EPHB2: variants seen among roughly 807,000 people sequenced by gnomAD.
The protein encoded by EPHB2 is ephrin type-B receptor 2.
Under a neutral mutation model 96.4 loss-of-function variants are expected in EPHB2, and 18 were observed. The observed-to-expected ratio is 0.19, with a 90% CI of 0.13 to 0.28. The LOEUF (loss-of-function observed/expected upper bound fraction) is 0.28, where lower values mean the gene tolerates loss of function less well. Ranked by LOEUF, EPHB2 falls within the 10% of genes least tolerant of loss-of-function variation. The pLI, the probability that EPHB2 is intolerant of heterozygous loss-of-function variation, is 1.00. For missense variants in EPHB2, 989 were observed against 1,355.4 expected (o/e 0.73, Z 4.25); for synonymous variants, 506 against 534.1 (o/e 0.95, Z 0.72).
rs770827827 is a variant in EPHB2, at chr1:22,909,082, T to A, written c.2413T>A (p.Ser805Thr). 3.7e-6 allele frequency: 6 copies of A among 1,614,054 alleles called. No individual in the cohort carries two copies. Among genetic ancestry groups the A allele is most frequent in the Non-Finnish European group, 5.1e-6 (6 of 1,180,042 alleles). Residue 805 changes from serine to threonine, a missense_variant, in exon 13 of 16, where the codon TCG (serine) becomes ACG (threonine). Ser to Thr is a moderately conservative substitution (Grantham distance 58, BLOSUM62 1). Coordinates refer to ENST00000374630, the MANE Select transcript of EPHB2 (RefSeq NM_017449.5). Reference sequence around the variant, plus strand: ...AGCCATCCAGTACCGGAAGTTCACCTCGGCCAGTGATGTGTGGAGCTACGG... The same window carrying A: ...AGCCATCCAGTACCGGAAGTTCACCACGGCCAGTGATGTGTGGAGCTACGG... ...PEAIQYRKFT[S>T]ASDVWSYGIV...
At chr1:22,742,711 C>T (rs1449824023) in intron 1 of EPHB2, among the ~76,000 whole-genome samples, 1 of 151,004 alleles carries the variant, frequency 6.6e-6, no homozygotes, top group Non-Finnish European at 1.5e-5. Flanking sequence ...CTAAGTTGCC[C>T]AGGCTGGTCT....
At chr1:22,756,001 G>A (rs555781736) in intron 1 of EPHB2, among the ~76,000 whole-genome samples, 1 of 152,272 alleles carries the variant, frequency 6.6e-6, no homozygotes, top group East Asian at 1.9e-4. Flanking sequence ...TTGTGGGGAT[G>A]CAGCCACATT....
At chr1:22,879,972 G>A (rs943728040) in intron 5 of EPHB2, among the ~76,000 whole-genome samples, 6 of 152,172 alleles carry the variant, frequency 3.9e-5, no homozygotes, top group South Asian at 4.1e-4. Flanking sequence ...GGAGTGTCTC[G>A]GGACAATTTT....
At position 22,833,702 on chromosome 1, in the gene EPHB2, G is replaced by T. The variant is rs147666419; in HGVS notation, c.812-29335G>T. Among the ~76,000 whole-genome samples the T allele has an allele frequency of 5.4e-3, 819 of 152,208 alleles. 10 individuals are homozygous for T. Among genetic ancestry groups the T allele is most frequent in the African/African-American group, 0.018 (764 of 41,514 alleles). On this transcript the variant is annotated intron_variant, in intron 3 of 15. Coordinates refer to ENST00000374630, the MANE Select transcript of EPHB2 (RefSeq NM_017449.5). ...AGAAAGGAGAAAAAAGTTTTAAATG[G>T]ATTATAAATAAAACATACAAGAGTA...
chr1:22,738,674 T>G (rs6426762), intron 1 of EPHB2, among the ~76,000 whole-genome samples: 533 of 152,344 alleles, frequency 3.5e-3, no homozygotes, highest in African/African-American at 0.012. Flanking sequence ...TTGGAGCCCA[T>G]GTGCTGTTAT....
chr1:22,729,901 T>C (rs1037297549), intron 1 of EPHB2, among the ~76,000 whole-genome samples: 2 of 152,200 alleles, frequency 1.3e-5, no homozygotes, highest in African/African-American at 4.8e-5. Context: ...TATATATTGA[T>C]TGGAAGAATG....
chr1:22,809,482 A>G (rs1644973874), intron 3 of EPHB2, among the ~76,000 whole-genome samples: 3 of 152,260 alleles, frequency 2.0e-5, no homozygotes, highest in Non-Finnish European at 4.4e-5. Context: ...ATTAATATAC[A>G]TAACGTATAT....
chr1:22,793,848 A>G (rs1644731284), intron 3 of EPHB2, among the ~76,000 whole-genome samples: 1 of 152,176 alleles, frequency 6.6e-6, no homozygotes, highest in Non-Finnish European at 1.5e-5. Context: ...AAGGCCACAC[A>G]GCCACTAAGT....
At chr1:22,889,237 G>T (rs1001606826) in intron 6 of EPHB2, among the ~76,000 whole-genome samples, 3 of 152,170 alleles carry the variant, frequency 2.0e-5, no homozygotes, top group East Asian at 1.9e-4. Flanking sequence ...GAAGGGAGCT[G>T]CTCAGGTTGG....
intron 3 of EPHB2, among the ~76,000 whole-genome samples, chr1:22,857,713 A>C (rs7413155): frequency 0.73 from 111,575 of 151,966 alleles, 41,353 homozygotes; most frequent in African/African-American, 0.83. Flanking sequence ...GATCGGGATG[A>C]CTCTGGTGGT....
At chr1:22,810,267 A>G (rs1462387308) in intron 3 of EPHB2, among the ~76,000 whole-genome samples, 2 of 152,152 alleles carry the variant, frequency 1.3e-5, no homozygotes, top group Non-Finnish European at 2.9e-5. Context: ...GGGCCTGCTC[A>G]ACACCATGCA....
Position 22,896,416 on chromosome 1 carries a change from G to A in EPHB2, c.1703G>A (p.Arg568Gln), listed in dbSNP as rs1248584369. 24 of 1,614,004 alleles carry A rather than the reference G, an allele frequency of 1.5e-5. No individual in the cohort carries two copies. The highest frequency in any genetic ancestry group is 3.3e-5 in the Admixed American group (2 of 60,002). ...VVVIAIVCNR[R>Q]GFERADSEYT... Reference sequence around the variant, plus strand: ...GCCCTTTGCTCTTGTTCCAGAAGACGGGGGTTTGAGCGTGCTGACTCGGAG... The same window carrying A: ...GCCCTTTGCTCTTGTTCCAGAAGACAGGGGTTTGAGCGTGCTGACTCGGAG... Residue 568 changes from arginine to glutamine, a missense_variant and splice_region_variant, in exon 9 of 16, where the codon CGG becomes CAG. By Grantham distance (43) the Arg-to-Gln change is conservative. Coordinates refer to ENST00000374630, the MANE Select transcript of EPHB2 (RefSeq NM_017449.5).
rs1364338802 is a variant in EPHB2 at position 22,910,510 on chromosome 1, C to T, written c.2631C>T (p.Val877=). 2 of 1,614,258 alleles carry T rather than the reference C, an allele frequency of 1.2e-6. No homozygotes were observed. The highest frequency in any genetic ancestry group is 2.2e-5 in the South Asian group (2 of 91,090). The change falls in exon 14 of 16, where the codon GTC becomes GTT. Residue 877 remains valine (V), a synonymous_variant. Transcript: ENST00000374630. ...RNHRPKFGQI[V]NTLDKMIRNP... ...ACCGGCCCAAGTTCGGCCAAATTGT[C>T]AACACGCTAGACAAGATGATCCGCA...
At chr1:22,740,631 G>A (rs1032435615) in intron 1 of EPHB2, among the ~76,000 whole-genome samples, 6 of 152,166 alleles carry the variant, frequency 3.9e-5, no homozygotes, top group Non-Finnish European at 8.8e-5. Flanking sequence ...CCAGGGCCTC[G>A]TGTCCCACCA....
Position 22,882,402 on chromosome 1 carries a change from G to A in EPHB2, c.1347G>A (p.Val449=), listed in dbSNP as rs1365571218. The A allele has an allele frequency of 2.5e-6, 4 of 1,614,168 alleles. No homozygotes were observed. The highest frequency in any genetic ancestry group is 2.5e-6 in the Non-Finnish European group (3 of 1,180,036). Residue 449 remains valine (V), a synonymous_variant, in exon 6 of 16, where the codon GTG becomes GTA. Transcript: ENST00000374630. ...TCATGCATCAGGTGAGCCGCACCGT[G>A]GACAGCATTACCCTGTCGTGGTCCC... ...VSIMHQVSRT[V]DSITLSWSQP...
chr1:22,773,669 C>T (rs1259387359), intron 1 of EPHB2, among the ~76,000 whole-genome samples: 1 of 152,364 alleles, frequency 6.6e-6, no homozygotes, highest in Admixed American at 6.5e-5. Context: ...CTACCCTCTT[C>T]AAGAATCTTC....
At chr1:22,814,878 C>A (rs979961625) in intron 3 of EPHB2, among the ~76,000 whole-genome samples, 1 of 152,226 alleles carries the variant, frequency 6.6e-6, no homozygotes, top group Non-Finnish European at 1.5e-5. Flanking sequence ...GCCGGCTCAT[C>A]TGGGGTACAT....
intron 3 of EPHB2, among the ~76,000 whole-genome samples, chr1:22,833,236 A>G (rs1421280703): frequency 2.6e-5 from 4 of 151,856 alleles, no homozygotes; most frequent in African/African-American, 9.7e-5. Flanking sequence ...TCCTGCCTTC[A>G]GCCTCCTGAG....
At chr1:22,838,106 G>A (rs941215609) in intron 3 of EPHB2, among the ~76,000 whole-genome samples, 1 of 152,176 alleles carries the variant, frequency 6.6e-6, no homozygotes, top group African/African-American at 2.4e-5. Flanking sequence ...AACAGAGCCC[G>A]GGGTTTGGCA....
Sources: gnomAD v4.1 joint callset for allele counts (sites outside exome capture counted in the v4.1 genomes callset) on GRCh38, gnomAD v4.1.1 for gene constraint, MANE v1.5 for transcripts, NCBI Gene and HGNC (gene_info 2026-07-23, HGNC 2026-07-21) for gene names.